GNAL: variants seen among roughly 807,000 people sequenced by gnomAD.
GNAL encodes the protein G protein subunit alpha L.
A neutral mutation model predicts 55.1 loss-of-function variants in GNAL; 18 were observed. The observed-to-expected ratio is 0.33, with a 90% confidence interval of 0.23 to 0.48. GNAL has a LOEUF of 0.48. Ranked by LOEUF, GNAL falls within the 20% of genes least tolerant of loss-of-function variation. The pLI, the probability that GNAL is intolerant of heterozygous loss-of-function variation, is 0.99. For synonymous variants in GNAL, 253 were observed against 237.0 expected (o/e 1.07, Z -0.62); for missense variants, 412 against 614.1 (o/e 0.67, Z 3.48).
At chr18:11,861,963 T>TACACACACACAC (rs56087854) in intron 5 of GNAL, among the ~76,000 whole-genome samples, 2,010 of 148,092 alleles carry the variant, frequency 0.014, 27 homozygotes, top group Middle Eastern at 0.021. Flanking sequence ...CACGCAGTCA[T>TACACACACACAC]ACACACACAC....
intron 4 of GNAL, among the ~76,000 whole-genome samples, chr18:11,780,517 C>G (rs573937502): frequency 1.3e-5 from 2 of 152,192 alleles, no homozygotes; most frequent in Non-Finnish European, 2.9e-5. Flanking sequence ...AATATTTCAG[C>G]TGTAAATTGG....
chr18:11,699,939 C>A (rs1000763402), intron 1 of GNAL, among the ~76,000 whole-genome samples: 85 of 152,212 alleles, frequency 5.6e-4, no homozygotes, highest in African/African-American at 1.9e-3. Flanking sequence ...CTGTGCCTGT[C>A]GGGGCAGGGA....
At chr18:11,750,823 T>G (rs1005270) in intron 1 of GNAL, among the ~76,000 whole-genome samples, 6 of 151,662 alleles carry the variant, frequency 4.0e-5, no homozygotes, top group Non-Finnish European at 8.8e-5. Flanking sequence ...ATGAAAGGTG[T>G]TGTGTGGTTC....
In GNAL at chr18:11,853,404, C is replaced by T. The variant is rs369262233; in HGVS notation, c.723-8991C>T. On this transcript the variant is annotated intron_variant, in intron 5 of 11. Transcript: ENST00000334049. ...TGTATCCACCGCTTTCTCATAGCCT[C>T]GAAACATGGAGAAAAGCAACTTGCT... The T allele has an allele frequency of 5.4e-5, 9 of 167,190 alleles. No individual in the cohort carries two copies. The East Asian group carries it at 1.5e-3, about 29-fold the overall frequency. 10.4% of individuals were successfully genotyped at this position (167,190 alleles called of 1,614,324 possible). A position where few individuals can be genotyped will look rare whatever the true frequency, so the allele number is the denominator to read the frequency against.
intron 1 of GNAL, among the ~76,000 whole-genome samples, chr18:11,742,860 A>G (rs1444470512): frequency 6.6e-6 from 1 of 152,184 alleles, no homozygotes; most frequent in Non-Finnish European, 1.5e-5. Flanking sequence ...ATCCTGGCAC[A>G]CTGCCCTCTG....
intron 5 of GNAL, among the ~76,000 whole-genome samples, chr18:11,842,078 T>C (rs2143737676): frequency 6.6e-6 from 1 of 152,114 alleles, no homozygotes; most frequent in South Asian, 2.1e-4. Context: ...GTTCAAGCAA[T>C]TCTCCTGCCT....
chr18:11,877,631 A>T (rs77103145), intron 11 of GNAL, among the ~76,000 whole-genome samples: 1 of 35,286 alleles, frequency 2.8e-5, no homozygotes, highest in African/African-American at 1.5e-4. Flanking sequence ...CCCAAGGGCG[A>T]TGTTCCCGGT....
At chr18:11,758,161 C>T (rs907671242) in intron 4 of GNAL, among the ~76,000 whole-genome samples, 12 of 152,008 alleles carry the variant, frequency 7.9e-5, no homozygotes, top group East Asian at 1.9e-4. Context: ...GAATGGGGTC[C>T]GGAACAAAAA....
intron 4 of GNAL, among the ~76,000 whole-genome samples, chr18:11,754,807 T>G (rs2032986723): frequency 6.6e-6 from 1 of 151,790 alleles, no homozygotes; most frequent in Non-Finnish European, 1.5e-5. Flanking sequence ...CTGCTTTTCC[T>G]AATCACTTGG....
At chr18:11,694,778 G>A (rs529500691) in intron 1 of GNAL, among the ~76,000 whole-genome samples, 15 of 152,250 alleles carry the variant, frequency 9.9e-5, no homozygotes, top group South Asian at 4.2e-4. Context: ...AAAAACAGAC[G>A]TTTATTTTCT....
chr18:11,769,828 G>T (rs772722989), intron 4 of GNAL, among the ~76,000 whole-genome samples: 1 of 152,020 alleles, frequency 6.6e-6, no homozygotes, highest in Non-Finnish European at 1.5e-5. Flanking sequence ...TTACACACAT[G>T]TCTAAAATAT....
At chr18:11,718,001 C>T (rs9989537) in intron 1 of GNAL, among the ~76,000 whole-genome samples, 1,976 of 152,172 alleles carry the variant, frequency 0.013, 39 homozygotes, top group African/African-American at 0.045. Flanking sequence ...TAGAAATAGG[C>T]ATATGGATTG....
At chr18:11,781,179 C>CAGGT (rs1444724537) in intron 4 of GNAL, among the ~76,000 whole-genome samples, 1 of 152,204 alleles carries the variant, frequency 6.6e-6, no homozygotes, top group Non-Finnish European at 1.5e-5. Flanking sequence ...TTTACACTTA[C>CAGGT]AGGCATTCTT....
chr18:11,835,717 G>A (rs577136770), intron 5 of GNAL, among the ~76,000 whole-genome samples: 21 of 152,278 alleles, frequency 1.4e-4, no homozygotes, highest in African/African-American at 4.8e-4. Flanking sequence ...AATGTAAGAC[G>A]TGTGTGTCAG....
At chr18:11,837,590 G>C (rs185950149) in intron 5 of GNAL, among the ~76,000 whole-genome samples, 1 of 152,156 alleles carries the variant, frequency 6.6e-6, no homozygotes, top group African/African-American at 2.4e-5. Flanking sequence ...CCCTAGGGTG[G>C]CTGTGCCTAA....
chr18:11,883,362 G>A lies in GNAL; in HGVS notation c.*2227G>A, dbSNP rs2036765277. 6.5e-6 allele frequency: 1 copy of A among 153,310 alleles called. No individual in the cohort carries two copies. The highest frequency in any genetic ancestry group is 3.4e-3 in the Middle Eastern group (1 of 294). 9.5% of individuals were successfully genotyped at this position (153,310 alleles called of 1,614,324 possible). A position where few individuals can be genotyped will look rare whatever the true frequency, so the allele number is the denominator to read the frequency against. On this transcript the variant is annotated 3_prime_UTR_variant, in exon 12 of 12. Coordinates refer to ENST00000334049, the MANE Select transcript of GNAL (RefSeq NM_182978.4). ...CACCCCCAGCAAGAAAGGGAAGTAT[G>A]CTGTTGTATGCATCATTACTCAACA...
chr18:11,827,974 GAAA>G (rs561574635), intron 5 of GNAL, among the ~76,000 whole-genome samples: 90 of 118,684 alleles, frequency 7.6e-4, no homozygotes, highest in Middle Eastern at 5.2e-3. Context: ...CCGTCTCAAG[GAAA>G]AAAAAAAAAA....
intron 1 of GNAL, among the ~76,000 whole-genome samples, chr18:11,693,854 T>TC (rs1432932993): frequency 7.0e-6 from 1 of 142,820 alleles, no homozygotes; most frequent in Non-Finnish European, 1.5e-5. Flanking sequence ...ATGTCGCTAT[T>TC]TTTTTTTTTT....
intron 5 of GNAL, among the ~76,000 whole-genome samples, chr18:11,855,235 C>T (rs983808072): frequency 9.2e-5 from 14 of 152,094 alleles, no homozygotes; most frequent in Admixed American, 8.5e-4. Context: ...CCACCGCGCC[C>T]GGTCCCCTGG....
Sources: gnomAD v4.1 joint callset for allele counts (sites outside exome capture counted in the v4.1 genomes callset) on GRCh38, gnomAD v4.1.1 for gene constraint, MANE v1.5 for transcripts, NCBI Gene and HGNC (gene_info 2026-07-23, HGNC 2026-07-21) for gene names.